Variants in ATF7IP observed in about 807,000 individuals in gnomAD.
ATF7IP encodes activating transcription factor 7-interacting protein 1.
ATF7IP carries 23 observed loss-of-function variants against 106.4 expected under a neutral mutation model. The observed-to-expected ratio is 0.22, with a 90% CI of 0.16 to 0.31. The LOEUF is 0.31. ATF7IP is among the 10% of genes least tolerant of loss of function. The pLI, the probability that ATF7IP is intolerant of heterozygous loss-of-function variation, is 1.00. For missense variants in ATF7IP, 1,334 were observed against 1,524.3 expected, an observed-to-expected ratio of 0.88 and a Z score of 2.08; for synonymous variants, 542 against 539.0, an observed-to-expected ratio of 1.01 and a Z score of -0.08.
intron 2 of ATF7IP, among the ~76,000 whole-genome samples, chr12:14,427,049 C>T (rs1160772562): frequency 6.6e-6 from 1 of 151,954 alleles, no homozygotes. Flanking sequence ...ATTAAGGTAA[C>T]TTTATTAGAG....
At chr12:14,479,286 A>T (rs939779323) in intron 12 of ATF7IP, among the ~76,000 whole-genome samples, 6 of 152,210 alleles carry the variant, frequency 3.9e-5, no homozygotes, top group African/African-American at 1.4e-4. Flanking sequence ...TCTTATCTTG[A>T]AATAGCTTTA....
chr12:14,407,655 T>C (rs1210850115), intron 1 of ATF7IP, among the ~76,000 whole-genome samples: 1 of 152,174 alleles, frequency 6.6e-6, no homozygotes, highest in Non-Finnish European at 1.5e-5. Flanking sequence ...TACTCCACTT[T>C]AGGCAAAGTT....
Position 14,379,672 on chromosome 12 carries a change from G to A in ATF7IP, c.-8+13845G>A, listed in dbSNP as rs541424994. ...AAGGTCATTCTATGTTTTCATGCTT[G>A]ATTGATAGTTTGGCTGGGTATAGAA... On this transcript the variant is annotated intron_variant, in intron 1 of 14. Coordinates refer to ENST00000261168, the MANE Select transcript of ATF7IP (RefSeq NM_018179.5). 2.0e-5 allele frequency among the ~76,000 whole-genome samples: 3 copies of A among 152,278 alleles called. No homozygotes were observed. The South Asian group carries it at 6.2e-4, about 32-fold the overall frequency.
In ATF7IP at chr12:14,500,678, A is replaced by C. The variant is rs1945136090; in HGVS notation, c.*2605A>C. On this transcript the variant is annotated 3_prime_UTR_variant, in exon 15 of 15. Coordinates refer to ENST00000261168, the MANE Select transcript of ATF7IP (RefSeq NM_018179.5). Reference sequence around the variant, plus strand: ...TCACGTGGTAACAATTTTCTTACCTAACCTACAAAAGGTTCTCTTGATGAA... The same window carrying C: ...TCACGTGGTAACAATTTTCTTACCTCACCTACAAAAGGTTCTCTTGATGAA... The C allele has an allele frequency of 6.6e-6, 1 of 152,194 alleles. No homozygotes were observed. Among genetic ancestry groups the C allele is most frequent in the African/African-American group, 2.4e-5 (1 of 41,460 alleles). 9.4% of individuals were successfully genotyped at this position (152,194 alleles called of 1,614,324 possible). A position where few individuals can be genotyped will look rare whatever the true frequency, so the allele number is the denominator to read the frequency against.
At chr12:14,462,041 A>G (rs1368581048) in intron 9 of ATF7IP, among the ~76,000 whole-genome samples, 3 of 152,166 alleles carry the variant, frequency 2.0e-5, no homozygotes, top group African/African-American at 4.8e-5. Context: ...GTGTTTTCTC[A>G]TATAAAACAA....
intron 11 of ATF7IP, among the ~76,000 whole-genome samples, chr12:14,476,774 T>C (rs1254371469): frequency 6.6e-6 from 1 of 152,178 alleles, no homozygotes; most frequent in Non-Finnish European, 1.5e-5. Flanking sequence ...TCTAGCATTA[T>C]ATAAATAAAA....
chr12:14,451,757 A>G (rs1203744558), intron 6 of ATF7IP, among the ~76,000 whole-genome samples: 1 of 152,124 alleles, frequency 6.6e-6, no homozygotes, highest in Non-Finnish European at 1.5e-5. Flanking sequence ...TAAATTTGTT[A>G]AGACCTGGGT....
intron 13 of ATF7IP, among the ~76,000 whole-genome samples, chr12:14,488,347 C>T (rs981985511): frequency 6.6e-6 from 1 of 152,156 alleles, no homozygotes; most frequent in Non-Finnish European, 1.5e-5. Context: ...GAAAGCTAGT[C>T]TGACACCCAA....
At chr12:14,406,142 C>T (rs1940567907) in intron 1 of ATF7IP, among the ~76,000 whole-genome samples, 1 of 151,904 alleles carries the variant, frequency 6.6e-6, no homozygotes, top group African/African-American at 2.4e-5. Context: ...CTTTATTGCC[C>T]AGGTGGAGTG....
At chr12:14,481,558 G>C (rs1300183628) in intron 13 of ATF7IP, 3 of 408,282 alleles carry the variant, frequency 7.3e-6, no homozygotes, top group Non-Finnish European at 1.4e-5. Context: ...TTTCAAAAAA[G>C]AAATGGCAGT....
At chr12:14,469,975 T>C (rs532892541) in intron 10 of ATF7IP, among the ~76,000 whole-genome samples, 83 of 152,204 alleles carry the variant, frequency 5.5e-4, no homozygotes, top group Non-Finnish European at 1.0e-3. Flanking sequence ...CATTTTTCTA[T>C]ATAAGTGGCC....
intron 8 of ATF7IP, among the ~76,000 whole-genome samples, chr12:14,459,139 C>G (rs1414492887): frequency 6.6e-6 from 1 of 152,104 alleles, no homozygotes; most frequent in Non-Finnish European, 1.5e-5. Flanking sequence ...TTTGAAGTGA[C>G]TGGCTTACCT....
intron 13 of ATF7IP, among the ~76,000 whole-genome samples, chr12:14,486,809 T>G (rs1020623198): frequency 1.3e-5 from 2 of 151,984 alleles, no homozygotes; most frequent in Non-Finnish European, 2.9e-5. Context: ...GTATTTAAAT[T>G]TTGTAGTTCA....
intron 6 of ATF7IP, among the ~76,000 whole-genome samples, chr12:14,450,558 T>C (rs896590365): frequency 1.2e-4 from 18 of 152,274 alleles, no homozygotes; most frequent in African/African-American, 4.3e-4. Flanking sequence ...TTGAATTTGG[T>C]TTGCTAATAT....
intron 13 of ATF7IP, among the ~76,000 whole-genome samples, chr12:14,492,737 T>A (rs1944869812): frequency 6.6e-6 from 1 of 152,214 alleles, no homozygotes. Context: ...ATGCCCACAT[T>A]GCCTTTGACA....
At chr12:14,435,133 G>A (rs1412353245) in intron 3 of ATF7IP, among the ~76,000 whole-genome samples, 2 of 150,926 alleles carry the variant, frequency 1.3e-5, no homozygotes, top group Non-Finnish European at 3.0e-5. Context: ...GGAAGGAAGA[G>A]GGAAGGAAGG....
chr12:14,477,254 G>C (rs192294599), intron 11 of ATF7IP, among the ~76,000 whole-genome samples: 2 of 152,280 alleles, frequency 1.3e-5, no homozygotes. Context: ...TTAAATAGCT[G>C]TACAACTGAT....
chr12:14,386,658 T>C (rs992069207), intron 1 of ATF7IP, among the ~76,000 whole-genome samples: 6 of 152,158 alleles, frequency 3.9e-5, no homozygotes, highest in East Asian at 1.9e-4. Context: ...TTATTTTATA[T>C]TGTAAACTTA....
intron 1 of ATF7IP, among the ~76,000 whole-genome samples, chr12:14,377,607 G>A (rs534289311): frequency 2.0e-5 from 3 of 151,238 alleles, no homozygotes; most frequent in Admixed American, 6.7e-5. Context: ...CACCGCGCCC[G>A]GCCTTTCTTT....
Sources: gnomAD v4.1 joint callset for allele counts (sites outside exome capture counted in the v4.1 genomes callset) on GRCh38, gnomAD v4.1.1 for gene constraint, MANE v1.5 for transcripts, NCBI Gene and HGNC (gene_info 2026-07-23, HGNC 2026-07-21) for gene names.